RAPGEF2: variants seen among roughly 807,000 people sequenced by gnomAD.
RAPGEF2 encodes Rap guanine nucleotide exchange factor 2, also known as PDZ domain containing guanine nucleotide exchange factor (GEF) 1.
RAPGEF2 carries 54 observed loss-of-function variants against 186.7 expected under a neutral mutation model. The ratio of observed to expected loss-of-function variants is 0.29; its 90% CI spans 0.23 to 0.36. The LOEUF (loss-of-function observed/expected upper bound fraction) is 0.36. Ranked by LOEUF, RAPGEF2 falls within the 10% of genes least tolerant of loss-of-function variation. The pLI is 1.00. For synonymous variants in RAPGEF2, 712 were observed against 705.9 expected, an observed-to-expected ratio of 1.01 and a Z score of -0.14; for missense variants, 1,532 against 2,045.0, an observed-to-expected ratio of 0.75 and a Z score of 4.84.
At chr4:159,138,328 G>GT (rs1741946293) in intron 1 of RAPGEF2, among the ~76,000 whole-genome samples, 1 of 152,174 alleles carries the variant, frequency 6.6e-6, no homozygotes, top group Admixed American at 6.5e-5. Context: ...AAGTAGAAAA[G>GT]TATAAAGCTC....
At position 159,186,668 on chromosome 4, in the gene RAPGEF2, A is replaced by T; in HGVS notation, c.96A>T (p.Leu32Phe). 1 of 1,466,588 alleles carries T rather than the reference A, an allele frequency of 6.8e-7. No homozygotes were observed. The highest frequency in any genetic ancestry group is 9.1e-7 in the Non-Finnish European group (1 of 1,096,122). The allele number at this position is 1,466,588 out of a possible 1,614,324, so 90.8% of individuals were successfully genotyped here. A position where few individuals can be genotyped will look rare whatever the true frequency, so the allele number is the denominator to read the frequency against. ...ATCTGGAAATAGTATATTCCTATTT[A>T]CATGGTATGGAAGCCTTATCAAACT... ...PQDLEIVYSY[L>F]HGMEALSNLR... The change falls in exon 2 of 30, where the codon TTA becomes TTT. Residue 32 changes from leucine to phenylalanine, a missense_variant. Transcript: ENST00000691494.
intron 1 of RAPGEF2, among the ~76,000 whole-genome samples, chr4:159,172,385 C>T (rs545031194): frequency 4.6e-5 from 7 of 152,174 alleles, no homozygotes; most frequent in African/African-American, 1.7e-4. Flanking sequence ...TCCTACCTTC[C>T]CTATTCATGT....
chr4:159,329,595 T>C lies in RAPGEF2; in HGVS notation c.1150-263T>C, dbSNP rs112960983. On this transcript the variant is annotated intron_variant, in intron 11 of 29. Transcript: ENST00000691494. Reference sequence around the variant, plus strand: ...AAGCATGAAAAAGCTATCTTCTAATTATGTCTTTTGATTTTTAAAATTATT... The same window carrying C: ...AAGCATGAAAAAGCTATCTTCTAATCATGTCTTTTGATTTTTAAAATTATT... 3.7e-3 allele frequency: 792 copies of C among 215,566 alleles called. 7 individuals carry two copies. Among genetic ancestry groups the C allele is most frequent in the Non-Finnish European group, 5.3e-3 (581 of 109,982 alleles). 13.4% of individuals were successfully genotyped at this position (215,566 alleles called of 1,614,324 possible). A position where few individuals can be genotyped will look rare whatever the true frequency, so the allele number is the denominator to read the frequency against.
rs1486143494 is a variant in RAPGEF2, at chr4:159,359,801, C to G, written c.*1662C>G. Reference sequence around the variant, plus strand: ...TTATTTGCCAGTTTTATTATATAGGCTATGGACCTCATGTGCATATAGAAA... The same window carrying G: ...TTATTTGCCAGTTTTATTATATAGGGTATGGACCTCATGTGCATATAGAAA... On this transcript the variant is annotated 3_prime_UTR_variant, in exon 30 of 30. Transcript: ENST00000691494. 1 of 152,176 alleles carries G rather than the reference C, an allele frequency of 6.6e-6. No individual in the cohort carries two copies. Among genetic ancestry groups the G allele is most frequent in the African/African-American group, 2.4e-5 (1 of 41,436 alleles). 9.4% of individuals were successfully genotyped at this position (152,176 alleles called of 1,614,324 possible). A position where few individuals can be genotyped will look rare whatever the true frequency, so the allele number is the denominator to read the frequency against.
chr4:159,230,073 A>G (rs1042656847), intron 4 of RAPGEF2, among the ~76,000 whole-genome samples: 2 of 152,208 alleles, frequency 1.3e-5, no homozygotes, highest in South Asian at 4.1e-4. Context: ...TTTATACAGA[A>G]CAATTTAGAA....
chr4:159,215,645 T>A (rs1429547690), intron 4 of RAPGEF2, among the ~76,000 whole-genome samples: 2 of 152,374 alleles, frequency 1.3e-5, no homozygotes, highest in East Asian at 3.9e-4. Flanking sequence ...GAAATAGTCA[T>A]GTGTACCATA....
chr4:159,167,836 CAAT>C (rs747925819), intron 1 of RAPGEF2, among the ~76,000 whole-genome samples: 58 of 152,258 alleles, frequency 3.8e-4, no homozygotes, highest in Non-Finnish European at 7.4e-4. Flanking sequence ...AAAAGTTATA[CAAT>C]AACTGGATAG....
At chr4:159,268,453 T>C (rs879354100) in intron 7 of RAPGEF2, among the ~76,000 whole-genome samples, 10 of 152,168 alleles carry the variant, frequency 6.6e-5, no homozygotes, top group Non-Finnish European at 1.0e-4. Flanking sequence ...CTGAGAAATA[T>C]TGGGCAGCTA....
chr4:159,184,626 T>C (rs1004870905), intron 1 of RAPGEF2, among the ~76,000 whole-genome samples: 2 of 152,232 alleles, frequency 1.3e-5, no homozygotes, highest in Non-Finnish European at 2.9e-5. Flanking sequence ...AAGTTCTTTG[T>C]AGATTCTGGA....
chr4:159,108,806 T>C (rs866984404), intron 1 of RAPGEF2, among the ~76,000 whole-genome samples: 9 of 152,100 alleles, frequency 5.9e-5, no homozygotes, highest in Admixed American at 2.6e-4. Context: ...GCAGCCTCTA[T>C]CTCCCAGACT....
chr4:159,291,797 T>A (rs1253814237), intron 7 of RAPGEF2, among the ~76,000 whole-genome samples: 4 of 151,272 alleles, frequency 2.6e-5, no homozygotes, highest in East Asian at 1.9e-4. Context: ...TTTTTTTTTT[T>A]ATGTCCTCTT....
At chr4:159,133,049 C>T (rs948571271) in intron 1 of RAPGEF2, among the ~76,000 whole-genome samples, 26 of 151,996 alleles carry the variant, frequency 1.7e-4, no homozygotes, top group Admixed American at 4.6e-4. Flanking sequence ...ATACACAGAT[C>T]CATAAAAACA....
chr4:159,228,726 A>G (rs1328837727), intron 4 of RAPGEF2, among the ~76,000 whole-genome samples: 1 of 152,198 alleles, frequency 6.6e-6, no homozygotes, highest in Non-Finnish European at 1.5e-5. Flanking sequence ...ACACACACAC[A>G]TGTAAATTAT....
chr4:159,186,655 T>C lies in RAPGEF2; in HGVS notation c.83T>C (p.Val28Ala). 1 of 1,450,470 alleles carries C rather than the reference T, an allele frequency of 6.9e-7. No homozygotes were observed. The highest frequency in any genetic ancestry group is 9.2e-7 in the Non-Finnish European group (1 of 1,084,554). The allele number at this position is 1,450,470 out of a possible 1,614,324, so 89.8% of individuals were successfully genotyped here. ...TCTTTGAAACAGGATCTGGAAATAG[T>C]ATATTCCTATTTACATGGTATGGAA... ...PERTPQDLEI[V>A]YSYLHGMEAL... The change falls in exon 2 of 30, where the codon GTA (valine) becomes GCA (alanine). Residue 28 changes from valine to alanine, a missense_variant. By Grantham distance (64) the Val-to-Ala change is moderately conservative. Coordinates refer to ENST00000691494, the MANE Select transcript of RAPGEF2 (RefSeq NM_001394067.2).
In RAPGEF2 at chr4:159,352,903, A is replaced by C. The variant is rs757357384; in HGVS notation, c.4084A>C (p.Ser1362Arg). The C allele has an allele frequency of 1.2e-6, 2 of 1,612,696 alleles. No individual in the cohort carries two copies. Among genetic ancestry groups the C allele is most frequent in the Non-Finnish European group, 1.7e-6 (2 of 1,178,930 alleles). Residue 1362 changes from serine to arginine, a missense_variant, in exon 27 of 30, where the codon AGC becomes CGC. Ser to Arg is a moderately radical substitution (Grantham distance 110). Coordinates refer to ENST00000691494, the MANE Select transcript of RAPGEF2 (RefSeq NM_001394067.2). ...GACCATGATTGAACCTGATCAGTATAGCTTGGGGTAGGTGGCTCTTTTTAA... is the reference window on the plus strand; with the variant it reads ...GACCATGATTGAACCTGATCAGTATCGCTTGGGGTAGGTGGCTCTTTTTAA... ...RRTMIEPDQYSLGSYAPMSEG... is the reference protein window; with the variant it reads ...RRTMIEPDQYRLGSYAPMSEG...
chr4:159,355,914 C>T lies in RAPGEF2; in HGVS notation c.4713C>T (p.Pro1571=). 7.1e-7 allele frequency: 1 copy of T among 1,414,790 alleles called. No homozygotes were observed. Among genetic ancestry groups the T allele is most frequent in the Non-Finnish European group, 9.5e-7 (1 of 1,057,264 alleles). The allele number at this position is 1,414,790 out of a possible 1,614,324, so 87.6% of individuals were successfully genotyped here. ...PPTPPGYIGI[P]ITDFPEGHSH... is the part of the protein sequence containing the mutation. ...CCCCTCCCGGCTACATTGGAATTCC[C>T]ATTACTGACTTTCCAGAAGGGCACT... Residue 1571 remains proline, a synonymous_variant, in exon 29 of 30, where the codon CCC becomes CCT. Coordinates refer to ENST00000691494, the MANE Select transcript of RAPGEF2 (RefSeq NM_001394067.2).
chr4:159,122,178 T>C (rs1220844935), intron 1 of RAPGEF2, among the ~76,000 whole-genome samples: 2 of 151,612 alleles, frequency 1.3e-5, no homozygotes, highest in African/African-American at 4.9e-5. Context: ...TAAAGAAATC[T>C]ATGATAAAAT....
chr4:159,178,518 C>T (rs1334768745), intron 1 of RAPGEF2, among the ~76,000 whole-genome samples: 2 of 150,014 alleles, frequency 1.3e-5, no homozygotes, highest in Non-Finnish European at 2.9e-5. Flanking sequence ...GGGTACTCTC[C>T]CTCTGACTTC....
intron 7 of RAPGEF2, among the ~76,000 whole-genome samples, chr4:159,253,745 G>T (rs970675143): frequency 6.6e-6 from 1 of 152,108 alleles, no homozygotes; most frequent in East Asian, 1.9e-4. Context: ...GAGGCGGGCG[G>T]ATCACGAGGT....
Sources: allele counts gnomAD v4.1 joint callset (sites outside exome capture counted in the v4.1 genomes callset), GRCh38; gene constraint gnomAD v4.1.1; transcripts MANE v1.5; gene names NCBI Gene and HGNC (gene_info 2026-07-23, HGNC 2026-07-21).